The following CMTM8 variants were observed in gnomAD, a reference collection of about 807,000 sequenced individuals.
The protein encoded by CMTM8 is CKLF like MARVEL transmembrane domain containing 8.
In CMTM8, 12 loss-of-function variants were observed where a neutral mutation model predicts 18.6. That is an observed-to-expected ratio of 0.65 (90% CI 0.41 to 1.05). CMTM8 has a LOEUF of 1.05. Among genes scored for constraint, CMTM8 ranks in the 50% least tolerant of loss-of-function variants. CMTM8 has a pLI of 0.00. For missense variants in CMTM8, 217 were observed against 227.2 expected (o/e 0.95, Z 0.29); for synonymous variants, 87 against 90.6 (o/e 0.96, Z 0.23).
chr3:32,339,475 T>G (rs916664959), intron 1 of CMTM8, among the ~76,000 whole-genome samples: 1 of 152,058 alleles, frequency 6.6e-6, no homozygotes, highest in Non-Finnish European at 1.5e-5. Context: ...GACCACATGG[T>G]TTGAAATCCT....
chr3:32,365,303 GAAAA>G (rs71630518), intron 2 of CMTM8, among the ~76,000 whole-genome samples: 1 of 144,670 alleles, frequency 6.9e-6, no homozygotes, highest in Admixed American at 6.9e-5. Context: ...CGGTATTTGA[GAAAA>G]AAAAAAAGAG....
intron 1 of CMTM8, among the ~76,000 whole-genome samples, chr3:32,263,296 A>G (rs1050759910): frequency 3.3e-5 from 5 of 152,182 alleles, no homozygotes; most frequent in South Asian, 2.1e-4. Context: ...CATTTCACCA[A>G]TATTCGCTGT....
intron 1 of CMTM8, among the ~76,000 whole-genome samples, chr3:32,318,530 A>G (rs1284973021): frequency 1.3e-5 from 2 of 150,868 alleles, no homozygotes; most frequent in Admixed American, 1.3e-4. Context: ...CAATAAAATC[A>G]CATCTGCCCA....
chr3:32,267,978 A>G (rs1327341356), intron 1 of CMTM8, among the ~76,000 whole-genome samples: 4 of 152,170 alleles, frequency 2.6e-5, no homozygotes, highest in Non-Finnish European at 5.9e-5. Context: ...AAATAGGAAC[A>G]CTTTTACACT....
At chr3:32,259,709 G>T (rs188439747) in intron 1 of CMTM8, 6 of 1,104,470 alleles carry the variant, frequency 5.4e-6, no homozygotes, top group Admixed American at 1.7e-5. Context: ...CCAATATGAC[G>T]AGCTGGCTCG....
chr3:32,320,833 C>A (rs1324952527), intron 1 of CMTM8, among the ~76,000 whole-genome samples: 1 of 152,062 alleles, frequency 6.6e-6, no homozygotes, highest in Non-Finnish European at 1.5e-5. Context: ...AACTTAGATT[C>A]TCTCCTCAAA....
intron 1 of CMTM8, among the ~76,000 whole-genome samples, chr3:32,347,416 T>C (rs1421384080): frequency 1.3e-5 from 2 of 151,708 alleles, no homozygotes; most frequent in African/African-American, 2.4e-5. Flanking sequence ...TACAGGCCTA[T>C]TGTGGGCTGT....
intron 1 of CMTM8, among the ~76,000 whole-genome samples, chr3:32,271,568 G>A (rs1377426317): frequency 6.6e-6 from 1 of 152,164 alleles, no homozygotes; most frequent in Non-Finnish European, 1.5e-5. Context: ...TATTGACATA[G>A]GTAGCTGTTG....
At chr3:32,337,986 TTTTTTTTTTTTA>T (rs1019431549) in intron 1 of CMTM8, among the ~76,000 whole-genome samples, 1 of 144,040 alleles carries the variant, frequency 6.9e-6, no homozygotes, top group Non-Finnish European at 1.5e-5. Flanking sequence ...CTTTTTTTTT[TTTTTTTTTTTTA>T]AATTGAGATG....
chr3:32,258,541 G>T (rs1702205123), intron 1 of CMTM8, among the ~76,000 whole-genome samples: 5 of 151,894 alleles, frequency 3.3e-5, no homozygotes, highest in South Asian at 4.2e-4. Context: ...TGATAGTCTT[G>T]CTCTGTCACC....
intron 1 of CMTM8, among the ~76,000 whole-genome samples, chr3:32,303,520 T>A (rs555761847): frequency 6.6e-6 from 1 of 152,312 alleles, no homozygotes; most frequent in South Asian, 2.1e-4. Flanking sequence ...ATCTTCAAAT[T>A]TGAGGCAGGA....
chr3:32,247,915 T>C (rs1702061522), intron 1 of CMTM8, among the ~76,000 whole-genome samples: 1 of 152,238 alleles, frequency 6.6e-6, no homozygotes, highest in African/African-American at 2.4e-5. Context: ...ACCAAGTTAC[T>C]TTCTATCTTT....
At chr3:32,276,568 A>T (rs1300351316) in intron 1 of CMTM8, among the ~76,000 whole-genome samples, 1 of 152,126 alleles carries the variant, frequency 6.6e-6, no homozygotes, top group Non-Finnish European at 1.5e-5. Context: ...TCCAGAGGAG[A>T]AAGCTGGGCT....
rs1365914010 is a variant in CMTM8, at chr3:32,367,920, G to A, written c.370G>A (p.Val124Ile). 2 of 1,614,136 alleles carry A rather than the reference G, an allele frequency of 1.2e-6. No homozygotes were observed. Among genetic ancestry groups the A allele is most frequent in the Non-Finnish European group, 1.7e-6 (2 of 1,180,030 alleles). ...SAFVLYLSAA[V>I]VDASSVSPER... is the part of the protein sequence containing the mutation. ...CTTCGTCTTGTACCTCTCTGCCGCT[G>A]TTGTAGATGCATCTTCCGTCTCCCC... is the stretch of plus-strand genomic sequence containing the variant. Residue 124 changes from valine (V) to isoleucine (I), a missense_variant, in exon 3 of 4, where the codon GTT becomes ATT. Physicochemically the swap from Val to Ile is conservative, Grantham distance 29. Transcript: ENST00000307526.
intron 1 of CMTM8, among the ~76,000 whole-genome samples, chr3:32,246,680 T>G (rs997637526): frequency 2.6e-5 from 4 of 152,216 alleles, no homozygotes; most frequent in Non-Finnish European, 5.9e-5. Context: ...TACTGTTCAA[T>G]GTATGTTTAT....
chr3:32,240,271 C>T (rs1701930562), intron 1 of CMTM8, among the ~76,000 whole-genome samples: 1 of 152,214 alleles, frequency 6.6e-6, no homozygotes, highest in African/African-American at 2.4e-5. Context: ...CCCTGGTGGT[C>T]ATAATGCACA....
intron 1 of CMTM8, among the ~76,000 whole-genome samples, chr3:32,340,600 G>A (rs1291737830): frequency 6.6e-6 from 1 of 152,166 alleles, no homozygotes; most frequent in African/African-American, 2.4e-5. Flanking sequence ...ACAGGAATTG[G>A]CAAACTTTTT....
At chr3:32,362,109 C>T (rs1474633896) in intron 2 of CMTM8, among the ~76,000 whole-genome samples, 2 of 130,888 alleles carry the variant, frequency 1.5e-5, no homozygotes, top group East Asian at 4.7e-4. Context: ...GGTGCAATCT[C>T]GGCTCACTAC....
intron 1 of CMTM8, among the ~76,000 whole-genome samples, chr3:32,262,598 T>C (rs1200765339): frequency 6.6e-6 from 1 of 152,258 alleles, no homozygotes; most frequent in African/African-American, 2.4e-5. Context: ...ACATTTGATT[T>C]CTAGCTATGC....
Sources: allele counts gnomAD v4.1 joint callset (sites outside exome capture counted in the v4.1 genomes callset), GRCh38; gene constraint gnomAD v4.1.1; transcripts MANE v1.5; gene names NCBI Gene and HGNC (gene_info 2026-07-23, HGNC 2026-07-21).